Variants in MACROD2 observed in about 807,000 individuals in gnomAD.
MACROD2 encodes mono-ADP ribosylhydrolase 2, also known as ADP-ribose glycohydrolase MACROD2.
In MACROD2, 36 loss-of-function variants were observed where a neutral mutation model predicts 70.4. The observed-to-expected ratio is 0.51, with a 90% CI of 0.39 to 0.68. The LOEUF is 0.68. Among genes scored for constraint, MACROD2 ranks in the 30% least tolerant of loss-of-function variants. MACROD2 has a pLI of 0.00. For missense variants in MACROD2, 496 were observed against 538.4 expected (o/e 0.92, Z 0.78); for synonymous variants, 172 against 178.8 (o/e 0.96, Z 0.30).
intron 5 of MACROD2, among the ~76,000 whole-genome samples, chr20:14,783,828 T>C (rs141630091): frequency 6.6e-6 from 1 of 152,244 alleles, no homozygotes; most frequent in East Asian, 1.9e-4. Flanking sequence ...CTGTAGAATA[T>C]GTACCTCCCT....
chr20:15,582,247 T>C (rs968251391), intron 8 of MACROD2, among the ~76,000 whole-genome samples: 1 of 152,012 alleles, frequency 6.6e-6, no homozygotes, highest in African/African-American at 2.4e-5. Context: ...CACTCACCAA[T>C]CAAGAATGCC....
intron 6 of MACROD2, among the ~76,000 whole-genome samples, chr20:15,334,643 A>G (rs2078029146): frequency 6.6e-6 from 1 of 151,640 alleles, no homozygotes; most frequent in Non-Finnish European, 1.5e-5. Context: ...AGTTAATGAT[A>G]ATTAACATTC....
intron 7 of MACROD2, among the ~76,000 whole-genome samples, chr20:15,497,814 C>A (rs963245233): frequency 5.9e-5 from 9 of 152,170 alleles, no homozygotes; most frequent in African/African-American, 1.9e-4. Context: ...TGTCCACATA[C>A]CCCTAATACA....
intron 5 of MACROD2, among the ~76,000 whole-genome samples, chr20:15,055,447 T>C (rs2075476763): frequency 6.6e-6 from 1 of 152,170 alleles, no homozygotes; most frequent in African/African-American, 2.4e-5. Flanking sequence ...TGAGTGAGAT[T>C]ATTGTCTCTG....
intron 4 of MACROD2, among the ~76,000 whole-genome samples, chr20:14,674,182 A>C (rs1175993672): frequency 1.3e-5 from 2 of 152,132 alleles, no homozygotes; most frequent in African/African-American, 4.8e-5. Context: ...GGTCCCAAGG[A>C]AAGAGACTAT....
chr20:14,823,949 A>T (rs1302353122), intron 5 of MACROD2, among the ~76,000 whole-genome samples: 1 of 152,120 alleles, frequency 6.6e-6, no homozygotes, highest in African/African-American at 2.4e-5. Flanking sequence ...GAGTAAAATA[A>T]ATTATATAAG....
At chr20:15,719,547 A>G (rs941982856) in intron 8 of MACROD2, among the ~76,000 whole-genome samples, 18 of 152,242 alleles carry the variant, frequency 1.2e-4, no homozygotes, top group African/African-American at 4.3e-4. Flanking sequence ...ACTAAGCTTC[A>G]ATGAAATGAC....
chr20:15,987,110 G>C lies in MACROD2; in HGVS notation c.1105G>C (p.Glu369Gln), dbSNP rs1374822811. 7 of 1,612,378 alleles carry C rather than the reference G, an allele frequency of 4.3e-6. No individual in the cohort carries two copies. Among genetic ancestry groups the C allele is most frequent in the Non-Finnish European group, 5.9e-6 (7 of 1,179,666 alleles). The change falls in exon 15 of 18, where the codon GAA (glutamate) becomes CAA (glutamine). Residue 369 changes from glutamate to glutamine, a missense_variant. Physicochemically the swap from Glu to Gln is conservative, Grantham distance 29 (BLOSUM62 2). Transcript: ENST00000684519. ...AGATGCCGTGATTGTGGAGCAACCA[G>C]AAGTGATTCCATTAACAGAGGACCA... is the stretch of plus-strand genomic sequence containing the variant. ...QEDAVIVEQP[E>Q]VIPLTEDQEE...
At chr20:15,677,124 T>C (rs1386149578) in intron 8 of MACROD2, among the ~76,000 whole-genome samples, 1 of 152,244 alleles carries the variant, frequency 6.6e-6, no homozygotes, top group Non-Finnish European at 1.5e-5. Flanking sequence ...CTAGAATGCA[T>C]TTTTATGCAA....
chr20:15,675,423 T>A (rs1024351850), intron 8 of MACROD2, among the ~76,000 whole-genome samples: 1 of 152,194 alleles, frequency 6.6e-6, no homozygotes, highest in African/African-American at 2.4e-5. Context: ...CTCTAACATG[T>A]TTAATTAAAC....
At chr20:15,919,381 A>G (rs1002336527) in intron 10 of MACROD2, among the ~76,000 whole-genome samples, 1 of 152,202 alleles carries the variant, frequency 6.6e-6, no homozygotes, top group Non-Finnish European at 1.5e-5. Flanking sequence ...AAATAGCATC[A>G]GCTACCCTAG....
At chr20:15,433,950 A>G (rs2046395963) in intron 7 of MACROD2, among the ~76,000 whole-genome samples, 1 of 152,130 alleles carries the variant, frequency 6.6e-6, no homozygotes, top group Non-Finnish European at 1.5e-5. Context: ...TGGGGAAAGG[A>G]TATCCTATTC....
intron 2 of MACROD2, among the ~76,000 whole-genome samples, chr20:14,012,288 C>T (rs1362823928): frequency 6.6e-6 from 1 of 152,214 alleles, no homozygotes; most frequent in East Asian, 1.9e-4. Context: ...GCTTTAGATC[C>T]TCATCTTCCT....
At chr20:14,518,898 A>G (rs1028168614) in intron 4 of MACROD2, among the ~76,000 whole-genome samples, 9 of 152,198 alleles carry the variant, frequency 5.9e-5, no homozygotes, top group African/African-American at 1.9e-4. Context: ...CACAATCCTT[A>G]AAGCTGGAAC....
chr20:14,833,746 G>A (rs1433549324), intron 5 of MACROD2, among the ~76,000 whole-genome samples: 1 of 152,012 alleles, frequency 6.6e-6, no homozygotes, highest in Non-Finnish European at 1.5e-5. Context: ...AATGCTAGTG[G>A]AAAATGCTGT....
chr20:14,802,491 A>G (rs2072588842), intron 5 of MACROD2, among the ~76,000 whole-genome samples: 1 of 142,142 alleles, frequency 7.0e-6, no homozygotes, highest in Non-Finnish European at 1.6e-5. Flanking sequence ...CACTGTTGAT[A>G]CATGTGCTTA....
chr20:14,742,478 A>G (rs1042303433), intron 5 of MACROD2, among the ~76,000 whole-genome samples: 1 of 152,074 alleles, frequency 6.6e-6, no homozygotes, highest in Non-Finnish European at 1.5e-5. Context: ...GATTATTATT[A>G]GTTTTGAGAG....
intron 5 of MACROD2, among the ~76,000 whole-genome samples, chr20:15,109,829 G>A (rs1237070255): frequency 6.6e-6 from 1 of 152,054 alleles, no homozygotes; most frequent in Admixed American, 6.6e-5. Context: ...AATCAAATAT[G>A]CCAAAATTCC....
chr20:15,426,622 T>G (rs2046301895), intron 6 of MACROD2, among the ~76,000 whole-genome samples: 1 of 152,008 alleles, frequency 6.6e-6, no homozygotes, highest in African/African-American at 2.4e-5. Context: ...TTTTTTTGTT[T>G]TTTGTTTTTG....
Sources: allele counts gnomAD v4.1 joint callset (sites outside exome capture counted in the v4.1 genomes callset), GRCh38; gene constraint gnomAD v4.1.1; transcripts MANE v1.5; gene names NCBI Gene and HGNC (gene_info 2026-07-23, HGNC 2026-07-21).